Variants in PHF21A observed in about 807,000 individuals in gnomAD.
The protein encoded by PHF21A is BHC80a.
Under a neutral mutation model 82.5 loss-of-function variants are expected in PHF21A, and 11 were observed. The observed-to-expected ratio is 0.13, with a 90% CI of 0.08 to 0.22. The LOEUF (loss-of-function observed/expected upper bound fraction) is 0.22, where lower values mean the gene tolerates loss of function less well. PHF21A is among the 10% of genes least tolerant of loss of function. The pLI, the probability that PHF21A is intolerant of heterozygous loss-of-function variation, is 1.00. For synonymous variants in PHF21A, 297 were observed against 302.8 expected (o/e 0.98, Z 0.20); for missense variants, 579 against 837.8 (o/e 0.69, Z 3.81).
intron 6 of PHF21A, among the ~76,000 whole-genome samples, chr11:46,052,538 C>A (rs866125101): frequency 3.3e-5 from 5 of 151,120 alleles, no homozygotes; most frequent in Admixed American, 2.0e-4. Context: ...AAAAAAAAAA[C>A]CATGTTTACT....
chr11:46,087,486 TA>T (rs34330715), intron 3 of PHF21A, among the ~76,000 whole-genome samples: 1 of 152,156 alleles, frequency 6.6e-6, no homozygotes, highest in African/African-American at 2.4e-5. Flanking sequence ...CTAAAAGGGT[TA>T]AAAAAGTTAG....
chr11:46,080,818 C>T (rs2096782555), intron 4 of PHF21A, among the ~76,000 whole-genome samples: 1 of 152,068 alleles, frequency 6.6e-6, no homozygotes, highest in African/African-American at 2.4e-5. Flanking sequence ...CAGGTGCACA[C>T]CACCATATCC....
At chr11:46,039,658 G>A (rs566388451) in intron 6 of PHF21A, among the ~76,000 whole-genome samples, 2 of 152,216 alleles carry the variant, frequency 1.3e-5, no homozygotes, top group East Asian at 1.9e-4. Context: ...TTAGATCTAC[G>A]AAGGCTGAAT....
chr11:46,084,040 C>T (rs899745868), intron 4 of PHF21A, 126 bp downstream of exon 4: 4 of 634,646 alleles, frequency 6.3e-6, no homozygotes, highest in Non-Finnish European at 1.0e-5. Context: ...AGGCAAACGA[C>T]ATGACTCTTG....
rs11821943 is a variant in PHF21A, at chr11:46,027,776, G to A, written c.154-47810C>T. On this transcript the variant is annotated intron_variant, in intron 6 of 18. Coordinates refer to ENST00000676320, the MANE Select transcript of PHF21A (RefSeq NM_001352027.3). ...ATTCAGGGGATACCTGTTAAACAAT[G>A]ATTTATATCTTCTTTTTATCCTGTT... Among the ~76,000 whole-genome samples, 1,071 of 152,242 alleles carry A rather than the reference G, an allele frequency of 7.0e-3. 10 individuals carry two copies. The highest frequency in any genetic ancestry group is 0.025 in the African/African-American group (1,019 of 41,538).
intron 6 of PHF21A, among the ~76,000 whole-genome samples, chr11:46,074,880 C>T (rs534063393): frequency 1.2e-4 from 19 of 152,332 alleles, no homozygotes; most frequent in African/African-American, 4.3e-4. Context: ...TTGAACTTTA[C>T]AGCTGTGCTT....
chr11:46,068,347 A>G (rs1475544225), intron 6 of PHF21A, among the ~76,000 whole-genome samples: 1 of 152,210 alleles, frequency 6.6e-6, no homozygotes, highest in Non-Finnish European at 1.5e-5. Context: ...AGAAAAGGGA[A>G]TAAATGGGAA....
intron 6 of PHF21A, among the ~76,000 whole-genome samples, chr11:45,993,213 T>C (rs1351550655): frequency 1.3e-5 from 2 of 152,218 alleles, no homozygotes; most frequent in African/African-American, 4.8e-5. Context: ...TCTTACTTTC[T>C]GAGTAGACCC....
intron 1 of PHF21A, among the ~76,000 whole-genome samples, chr11:46,096,161 T>C (rs2096991928): frequency 6.6e-6 from 1 of 152,124 alleles, no homozygotes; most frequent in African/African-American, 2.4e-5. Flanking sequence ...CCATCCCTCT[T>C]GTACCCACCT....
chr11:46,108,807 A>G (rs927707595), intron 1 of PHF21A, among the ~76,000 whole-genome samples: 9 of 152,074 alleles, frequency 5.9e-5, no homozygotes, highest in African/African-American at 1.7e-4. Flanking sequence ...TGCACCTACT[A>G]AAAAAAGTAT....
At chr11:46,111,245 G>T (rs190963431) in intron 1 of PHF21A, among the ~76,000 whole-genome samples, 111 of 151,574 alleles carry the variant, frequency 7.3e-4, no homozygotes, top group Non-Finnish European at 1.3e-3. Flanking sequence ...GAGGTGGGCA[G>T]ATCACTTGAG....
In PHF21A at chr11:45,987,237, C is replaced by T. The variant is rs371197688; in HGVS notation, c.154-7271G>A. 1.0e-4 allele frequency among the ~76,000 whole-genome samples: 9 copies of T among 87,546 alleles called. No homozygotes were observed. In the East Asian group the frequency reaches 4.2e-3, roughly 41 times the overall value. 57.4% of individuals were successfully genotyped at this position (87,546 alleles called of 152,430 possible). ...CTCCAGCCTGGGCAACAGAGCGAGACTGTATCATAAATAAATGTATGTATG... is the reference window on the plus strand; with the variant it reads ...CTCCAGCCTGGGCAACAGAGCGAGATTGTATCATAAATAAATGTATGTATG... On this transcript the variant is annotated intron_variant, in intron 6 of 18. Transcript: ENST00000676320.
At chr11:46,032,161 C>T (rs1313587391) in intron 6 of PHF21A, among the ~76,000 whole-genome samples, 1 of 152,040 alleles carries the variant, frequency 6.6e-6, no homozygotes, top group Admixed American at 6.6e-5. Context: ...TTAGGATCAC[C>T]CTGCTACACA....
At chr11:46,088,720 T>C (rs914473451) in intron 3 of PHF21A, among the ~76,000 whole-genome samples, 1 of 152,224 alleles carries the variant, frequency 6.6e-6, no homozygotes, top group Non-Finnish European at 1.5e-5. Context: ...AGTTTTATGA[T>C]AGTTTTAATA....
chr11:45,972,981 G>A lies in PHF21A; in HGVS notation c.361-1614C>T, dbSNP rs532399102. 6.7e-4 allele frequency among the ~76,000 whole-genome samples: 102 copies of A among 152,298 alleles called. 1 individual carries two copies. The South Asian group carries it at 0.013, about 19-fold the overall frequency. ...TAATCCCAGCTACTCGGGAGGCTGA[G>A]GCAGGGGAATCACTTGAACCCGTGA... On this transcript the variant is annotated intron_variant, in intron 7 of 18. Transcript: ENST00000676320.
intron 7 of PHF21A, among the ~76,000 whole-genome samples, 181 bp downstream of exon 7, chr11:45,979,579 T>C (rs1233802829): frequency 1.3e-5 from 2 of 152,258 alleles, no homozygotes; most frequent in Non-Finnish European, 2.9e-5. Context: ...GTAATGTTAT[T>C]TCCTTCTGCC....
chr11:45,964,057 C>A (rs2093279691), intron 10 of PHF21A, among the ~76,000 whole-genome samples: 1 of 151,780 alleles, frequency 6.6e-6, no homozygotes, highest in African/African-American at 2.4e-5. Flanking sequence ...ATTAGCCAGG[C>A]ATGGTGGCTG....
At chr11:45,943,562 T>C (rs765851369) in intron 15 of PHF21A, among the ~76,000 whole-genome samples, 5 of 152,234 alleles carry the variant, frequency 3.3e-5, no homozygotes, top group Non-Finnish European at 7.3e-5. Context: ...ATAGGCCCTT[T>C]TCTTCTGCAT....
chr11:46,080,860 C>T (rs1167966144), intron 4 of PHF21A, among the ~76,000 whole-genome samples: 1 of 150,980 alleles, frequency 6.6e-6, no homozygotes, highest in Non-Finnish European at 1.5e-5. Flanking sequence ...GATGAGGTCT[C>T]ACTATGTTAT....
Sources: gnomAD v4.1 joint callset for allele counts (sites outside exome capture counted in the v4.1 genomes callset) on GRCh38, gnomAD v4.1.1 for gene constraint, MANE v1.5 for transcripts, NCBI Gene and HGNC (gene_info 2026-07-23, HGNC 2026-07-21) for gene names.